DCAF8L2: variants seen among roughly 807,000 people sequenced by gnomAD.
The protein encoded by DCAF8L2 is DDB1- and CUL4-associated factor 8-like protein 2.
For missense variants in DCAF8L2, 430 were observed against 490.7 expected (o/e 0.88, Z 1.17); for synonymous variants, 200 against 190.9 (o/e 1.05, Z -0.39).
the DCAF8L2 span, among the ~76,000 whole-genome samples, chrX:27,482,575 A>G: frequency 8.9e-6 from 1 of 111,800 alleles, no homozygotes; most frequent in Non-Finnish European, 1.9e-5. Context: ...ATATTCAACA[A>G]CTTCCACAAT....
At chrX:27,544,396 A>T in the DCAF8L2 span, among the ~76,000 whole-genome samples, 4 of 112,017 alleles carry the variant, frequency 3.6e-5, no homozygotes, top group African/African-American at 1.3e-4. Context: ...GAACCTTCAG[A>T]GAGCAAAAGG....
the DCAF8L2 span, among the ~76,000 whole-genome samples, chrX:27,532,600 C>G: frequency 1.8e-5 from 2 of 110,556 alleles, no homozygotes; most frequent in African/African-American, 6.6e-5. Context: ...TAAACAGATA[C>G]CAAAATCAAT....
upstream of DCAF8L2, among the ~76,000 whole-genome samples, chrX:27,585,511 A>G (rs957293240): frequency 8.9e-6 from 1 of 111,889 alleles, no homozygotes; most frequent in African/African-American, 3.3e-5. Flanking sequence ...CATGGTTTCC[A>G]CCACCATCTA....
intron 4 of DCAF8L2, among the ~76,000 whole-genome samples, chrX:27,738,279 C>T (rs970269461): frequency 9.0e-6 from 1 of 111,436 alleles, no homozygotes; most frequent in African/African-American, 3.3e-5. Context: ...ATTGTTTTGC[C>T]TTAATAGCTT....
chrX:27,579,751 C>T, the DCAF8L2 span, among the ~76,000 whole-genome samples: 9 of 109,155 alleles, frequency 8.2e-5, no homozygotes, highest in Non-Finnish European at 1.3e-4. Flanking sequence ...TATACATCAG[C>T]TAAAGCTATA....
the DCAF8L2 span, among the ~76,000 whole-genome samples, chrX:27,503,750 G>C: frequency 9.0e-6 from 1 of 111,226 alleles, no homozygotes; most frequent in East Asian, 2.8e-4. Flanking sequence ...ACTTGTTTTA[G>C]CTATTCTAGT....
chrX:27,713,587 G>C (rs777759419), intron 3 of DCAF8L2, among the ~76,000 whole-genome samples: 1 of 111,977 alleles, frequency 8.9e-6, no homozygotes, highest in African/African-American at 3.2e-5. Flanking sequence ...ATTAATGTTA[G>C]AAGTAACATT....
chrX:27,512,112 T>TAAAAAA, the DCAF8L2 span, among the ~76,000 whole-genome samples: 7 of 107,031 alleles, frequency 6.5e-5, no homozygotes, highest in African/African-American at 2.4e-4. Flanking sequence ...ACATAAAAAA[T>TAAAAAA]AAAAAAAAAT....
At chrX:27,717,208 C>A (rs1310257855) in intron 4 of DCAF8L2, among the ~76,000 whole-genome samples, 1 of 112,348 alleles carries the variant, frequency 8.9e-6, no homozygotes, top group Non-Finnish European at 1.9e-5. Flanking sequence ...GTGCATGTAT[C>A]TCTTTAATAG....
chrX:27,572,895 A>G, the DCAF8L2 span, among the ~76,000 whole-genome samples: 1 of 111,544 alleles, frequency 9.0e-6, no homozygotes, highest in African/African-American at 3.3e-5. Context: ...AGCAGGTTAC[A>G]TACTGCGTTA....
chrX:27,564,750 T>G, the DCAF8L2 span, among the ~76,000 whole-genome samples: 1 of 110,373 alleles, frequency 9.1e-6, no homozygotes, highest in Non-Finnish European at 1.9e-5. Flanking sequence ...AAAATTCCTC[T>G]GTAAGAATAC....
At chrX:27,615,059 G>A (rs1927392907) in intron 1 of DCAF8L2, among the ~76,000 whole-genome samples, 1 of 110,661 alleles carries the variant, frequency 9.0e-6, no homozygotes, top group South Asian at 3.8e-4. Context: ...GGGTCATGTT[G>A]TTTGCTAGAT....
chrX:27,699,494 A>T (rs1243257674), intron 3 of DCAF8L2, among the ~76,000 whole-genome samples: 1 of 111,850 alleles, frequency 8.9e-6, no homozygotes, highest in African/African-American at 3.2e-5. Context: ...GCACTGACAG[A>T]ATGATATGAC....
intron 4 of DCAF8L2, among the ~76,000 whole-genome samples, chrX:27,732,931 C>T (rs941547780): frequency 9.0e-6 from 1 of 111,045 alleles, no homozygotes; most frequent in African/African-American, 3.3e-5. Flanking sequence ...AACCTCGGCT[C>T]ACTGCAACCT....
the DCAF8L2 span, among the ~76,000 whole-genome samples, chrX:27,502,086 T>A: frequency 9.4e-6 from 1 of 106,427 alleles, no homozygotes. Context: ...TTTGGGAGGC[T>A]AAGATGGGTG....
At chrX:27,736,178 C>T (rs1445988020) in intron 4 of DCAF8L2, among the ~76,000 whole-genome samples, 1 of 110,952 alleles carries the variant, frequency 9.0e-6, no homozygotes, top group African/African-American at 3.3e-5. Context: ...ATGAAGCAGA[C>T]AGATGGCCGA....
the DCAF8L2 span, among the ~76,000 whole-genome samples, chrX:27,555,367 C>G: frequency 0.095 from 10,550 of 111,445 alleles, 397 homozygotes; most frequent in Non-Finnish European, 0.12. Flanking sequence ...GAGAGAACAT[C>G]TACCATAAAA....
the DCAF8L2 span, among the ~76,000 whole-genome samples, chrX:27,558,703 C>T: frequency 1.8e-4 from 19 of 107,859 alleles, no homozygotes; most frequent in East Asian, 2.0e-3. Flanking sequence ...TGGTGTGCTG[C>T]ACCCACCAAC....
intron 3 of DCAF8L2, among the ~76,000 whole-genome samples, chrX:27,702,428 T>G (rs1931163456): frequency 1.1e-5 from 1 of 93,923 alleles, no homozygotes; most frequent in Admixed American, 1.1e-4. Context: ...CCATATTCCT[T>G]ATGAATATAG....
Sources: gnomAD v4.1 joint callset for allele counts (sites outside exome capture counted in the v4.1 genomes callset) on GRCh38, gnomAD v4.1.1 for gene constraint, MANE v1.5 for transcripts, NCBI Gene and HGNC (gene_info 2026-07-23, HGNC 2026-07-21) for gene names.